The following NKAIN2 variants were observed in gnomAD, a reference collection of about 807,000 sequenced individuals.
NKAIN2 encodes the protein sodium/potassium transporting ATPase interacting 2.
In NKAIN2, 14 loss-of-function variants were observed where a neutral mutation model predicts 32.6. The ratio of observed to expected loss-of-function variants is 0.43; its 90% CI spans 0.28 to 0.67. The LOEUF is 0.67. Ranked by LOEUF, NKAIN2 falls within the 30% of genes least tolerant of loss-of-function variation. The probability of loss-of-function intolerance (pLI) is 0.17; values close to 1 mark genes in which losing one functional copy is unlikely to be tolerated. For missense variants in NKAIN2, 198 were observed against 258.3 expected, an observed-to-expected ratio of 0.77 and a Z score of 1.60; for synonymous variants, 80 against 87.2, an observed-to-expected ratio of 0.92 and a Z score of 0.46.
At chr6:124,151,996 A>G (rs2114397106) in intron 1 of NKAIN2, among the ~76,000 whole-genome samples, 1 of 151,988 alleles carries the variant, frequency 6.6e-6, no homozygotes, top group African/African-American at 2.4e-5. Flanking sequence ...CCTTTTTATG[A>G]TATTTTACTT....
chr6:124,808,160 A>T (rs1780685664), intron 5 of NKAIN2, among the ~76,000 whole-genome samples: 1 of 152,064 alleles, frequency 6.6e-6, no homozygotes, highest in South Asian at 2.1e-4. Context: ...CTGATACCAA[A>T]GCCAGGCAGA....
chr6:124,083,564 T>G (rs2114912096), intron 1 of NKAIN2, among the ~76,000 whole-genome samples: 1 of 152,116 alleles, frequency 6.6e-6, no homozygotes, highest in Admixed American at 6.6e-5. Flanking sequence ...ACTCTTTTAC[T>G]ACTTCTTTAT....
chr6:124,494,864 G>C (rs1189463679), intron 3 of NKAIN2, among the ~76,000 whole-genome samples: 1 of 151,970 alleles, frequency 6.6e-6, no homozygotes, highest in African/African-American at 2.4e-5. Flanking sequence ...AGCATTAGTG[G>C]TGATAAAACA....
rs149166599 is a variant in NKAIN2, at chr6:124,750,755, T to G, written c.475-40584T>G. On this transcript the variant is annotated intron_variant, in intron 4 of 6. Transcript: ENST00000368417. ...TTCCTAAAAGGTTGTGTCTTTCATT[T>G]CTTTGCTACCTTCACTCAAGCAAAA... Among the ~76,000 whole-genome samples the G allele has an allele frequency of 3.0e-3, 453 of 152,118 alleles. 2 individuals carry two copies. Among genetic ancestry groups the G allele is most frequent in the Non-Finnish European group, 2.7e-3 (182 of 67,952 alleles).
intron 1 of NKAIN2, among the ~76,000 whole-genome samples, chr6:123,919,567 T>C (rs1445274661): frequency 1.3e-5 from 2 of 152,268 alleles, no homozygotes; most frequent in East Asian, 3.9e-4. Context: ...GCAAGGTTCA[T>C]GTGTGAATAA....
intron 3 of NKAIN2, among the ~76,000 whole-genome samples, chr6:124,586,959 C>T (rs1330292519): frequency 6.6e-6 from 1 of 152,294 alleles, no homozygotes; most frequent in Admixed American, 6.5e-5. Flanking sequence ...TATACAACTC[C>T]TCTTATATTA....
intron 4 of NKAIN2, among the ~76,000 whole-genome samples, chr6:124,786,202 A>AAAT (rs1250140308): frequency 6.6e-6 from 1 of 151,942 alleles, no homozygotes; most frequent in Admixed American, 6.6e-5. Context: ...GGTGTATATG[A>AAAT]AATAATAATA....
chr6:123,984,024 C>T (rs1779023577), intron 1 of NKAIN2, among the ~76,000 whole-genome samples: 1 of 152,132 alleles, frequency 6.6e-6, no homozygotes, highest in Non-Finnish European at 1.5e-5. Flanking sequence ...TCTCCTGCCT[C>T]AGCCTCCCGA....
At chr6:123,955,213 GAAAAAGA>G (rs973041692) in intron 1 of NKAIN2, among the ~76,000 whole-genome samples, 3 of 133,596 alleles carry the variant, frequency 2.2e-5, no homozygotes, top group Non-Finnish European at 4.9e-5. Flanking sequence ...AAAAAAAAAA[GAAAAAGA>G]AAAAAGAAAG....
At chr6:123,824,227 G>A (rs1774045254) in intron 1 of NKAIN2, among the ~76,000 whole-genome samples, 1 of 152,060 alleles carries the variant, frequency 6.6e-6, no homozygotes, top group African/African-American at 2.4e-5. Context: ...ATCTCACAAA[G>A]TCCATGCACT....
intron 1 of NKAIN2, among the ~76,000 whole-genome samples, chr6:123,937,873 C>T (rs1460434783): frequency 7.0e-6 from 1 of 141,984 alleles, no homozygotes; most frequent in Non-Finnish European, 1.5e-5. Context: ...TGTCCATGTG[C>T]TCCCTTCAAG....
At chr6:123,872,725 C>T (rs1772958290) in intron 1 of NKAIN2, among the ~76,000 whole-genome samples, 1 of 152,204 alleles carries the variant, frequency 6.6e-6, no homozygotes, top group Non-Finnish European at 1.5e-5. Context: ...CAGTCAGGCA[C>T]TCATTGCTCT....
Position 124,326,398 on chromosome 6 carries a change from C to CCCCTCCTGTT in NKAIN2, c.193-28869_193-28868insCCCTCCTGTT, listed in dbSNP as rs1797412277. 3.9e-5 allele frequency among the ~76,000 whole-genome samples: 6 copies of CCCCTCCTGTT among 152,264 alleles called. No individual in the cohort carries two copies. The South Asian group carries it at 8.3e-4, about 21-fold the overall frequency. ...ACCAAAATGTCTTTCACAGCTTCCT[C>CCCCTCCTGTT]ACTCCAGGGTTGCCTCCCCTCCTGT... On this transcript the variant is annotated intron_variant, in intron 2 of 6. Coordinates refer to ENST00000368417, the MANE Select transcript of NKAIN2 (RefSeq NM_001040214.3).
At chr6:124,660,831 A>G (rs1562311293) in intron 4 of NKAIN2, among the ~76,000 whole-genome samples, 1 of 152,250 alleles carries the variant, frequency 6.6e-6, no homozygotes. Flanking sequence ...CAGAAAACTT[A>G]GCAAATTTGA....
chr6:124,016,926 G>A (rs1780599761), intron 1 of NKAIN2, among the ~76,000 whole-genome samples: 1 of 152,154 alleles, frequency 6.6e-6, no homozygotes, highest in African/African-American at 2.4e-5. Context: ...GACAACCCCA[G>A]GATGTCAAGT....
intron 2 of NKAIN2, among the ~76,000 whole-genome samples, chr6:124,294,882 G>A (rs542996001): frequency 6.6e-5 from 10 of 152,060 alleles, no homozygotes; most frequent in East Asian, 3.9e-4. Context: ...GAAACACAGC[G>A]GAATCCATTT....
intron 3 of NKAIN2, among the ~76,000 whole-genome samples, chr6:124,481,170 C>CT (rs5879741): frequency 7.5e-4 from 103 of 136,510 alleles, no homozygotes; most frequent in East Asian, 3.9e-3. Flanking sequence ...GTTAGAGTTA[C>CT]TTTTTTTTTT....
chr6:124,469,701 G>T (rs1018078104), intron 3 of NKAIN2, among the ~76,000 whole-genome samples: 5 of 152,066 alleles, frequency 3.3e-5, no homozygotes, highest in Admixed American at 6.6e-5. Context: ...TCCTCTTATA[G>T]ATCTCATATA....
At chr6:124,668,070 T>G (rs1342515254) in intron 4 of NKAIN2, among the ~76,000 whole-genome samples, 1 of 152,156 alleles carries the variant, frequency 6.6e-6, no homozygotes, top group Non-Finnish European at 1.5e-5. Context: ...CTCTGACACT[T>G]GTCCCGACTG....
Sources: gnomAD v4.1 joint callset for allele counts (sites outside exome capture counted in the v4.1 genomes callset) on GRCh38, gnomAD v4.1.1 for gene constraint, MANE v1.5 for transcripts, NCBI Gene and HGNC (gene_info 2026-07-23, HGNC 2026-07-21) for gene names.